SGCD: variants seen among roughly 807,000 people sequenced by gnomAD.
SGCD encodes the protein sarcoglycan delta, also known as delta-sarcoglycan.
Under a neutral mutation model 36.6 loss-of-function variants are expected in SGCD, and 18 were observed. The observed-to-expected ratio is 0.49, with a 90% CI of 0.34 to 0.73. SGCD has a LOEUF of 0.73. SGCD is among the 30% of genes least tolerant of loss of function. The pLI is 0.01. For missense variants in SGCD, 387 were observed against 346.7 expected, an observed-to-expected ratio of 1.12 and a Z score of -0.92; for synonymous variants, 133 against 130.6, an observed-to-expected ratio of 1.02 and a Z score of -0.12.
chr5:156,223,310 A>G lies in SGCD; in HGVS notation c.-44+99291A>G, dbSNP rs186639182. 3.9e-5 allele frequency among the ~76,000 whole-genome samples: 6 copies of G among 152,180 alleles called. No individual in the cohort carries two copies. The East Asian group carries it at 7.7e-4, about 20-fold the overall frequency. On this transcript the variant is annotated intron_variant, in intron 3 of 9. Coordinates refer to the SGCD transcript ENST00000517913. ...ATAGAATTCTATTAGATGATAGTGG[A>G]GATTGCCAGGTGAGTGGTCAGAGTT... is the stretch of plus-strand genomic sequence containing the variant.
chr5:155,796,585 C>T, the SGCD span, among the ~76,000 whole-genome samples: 1 of 151,626 alleles, frequency 6.6e-6, no homozygotes, highest in Admixed American at 6.6e-5. Flanking sequence ...GGGTGGATCA[C>T]CTGAGGTCGG....
chr5:156,355,584 C>T (rs1037277588), intron 3 of SGCD, among the ~76,000 whole-genome samples: 1 of 152,208 alleles, frequency 6.6e-6, no homozygotes, highest in African/African-American at 2.4e-5. Context: ...ATTCTCCCAA[C>T]TTGTAAAATA....
chr5:156,135,406 C>T (rs1459922477), intron 3 of SGCD, among the ~76,000 whole-genome samples: 3 of 152,160 alleles, frequency 2.0e-5, no homozygotes, highest in East Asian at 3.9e-4. Flanking sequence ...GGATATAAGA[C>T]ACCTGGTACA....
intron 6 of SGCD, among the ~76,000 whole-genome samples, chr5:156,609,950 T>A (rs1761700466): frequency 6.6e-6 from 1 of 152,058 alleles, no homozygotes; most frequent in African/African-American, 2.4e-5. Flanking sequence ...ATTTGTCTAA[T>A]TTTTTTTCGA....
chr5:156,302,422 T>TA (rs1466513681), intron 3 of SGCD, among the ~76,000 whole-genome samples: 1 of 152,072 alleles, frequency 6.6e-6, no homozygotes, highest in Non-Finnish European at 1.5e-5. Context: ...TCTTCTGTGT[T>TA]TTATCTTGAA....
At chr5:156,499,932 A>G (rs1033806025) in intron 3 of SGCD, among the ~76,000 whole-genome samples, 2 of 152,266 alleles carry the variant, frequency 1.3e-5, no homozygotes, top group Non-Finnish European at 2.9e-5. Context: ...TTATTTCTCA[A>G]CTTTAAAAAA....
At chr5:155,884,092 G>T (rs185415437) in intron 1 of SGCD, among the ~76,000 whole-genome samples, 2 of 152,230 alleles carry the variant, frequency 1.3e-5, no homozygotes, top group East Asian at 3.9e-4. Flanking sequence ...TCTGCCTTTT[G>T]TATCTTTGCT....
chr5:156,339,809 G>A (rs1411976665), intron 2 of SGCD, among the ~76,000 whole-genome samples: 1 of 152,116 alleles, frequency 6.6e-6, no homozygotes, highest in Non-Finnish European at 1.5e-5. Context: ...AATGAGAAAG[G>A]AAATTAAATT....
chr5:156,581,098 C>A (rs557021060), intron 4 of SGCD, among the ~76,000 whole-genome samples: 1 of 152,184 alleles, frequency 6.6e-6, no homozygotes, highest in South Asian at 2.1e-4. Context: ...TGTGGATGTC[C>A]TTTTTGTTGA....
At chr5:156,396,976 A>G (rs1771889995) in intron 3 of SGCD, among the ~76,000 whole-genome samples, 1 of 152,196 alleles carries the variant, frequency 6.6e-6, no homozygotes, top group Non-Finnish European at 1.5e-5. Context: ...AACAAAGACG[A>G]CTGGGGCATA....
chr5:156,072,714 C>T (rs1404014538), intron 1 of SGCD, among the ~76,000 whole-genome samples: 3 of 152,190 alleles, frequency 2.0e-5, no homozygotes, highest in Admixed American at 1.3e-4. Flanking sequence ...TGGATAATGT[C>T]CTGCAGAGTG....
In SGCD at chr5:156,250,691, T is replaced by G. The variant is rs368310802; in HGVS notation, c.-43-78843T>G. Among the ~76,000 whole-genome samples, 121 of 152,332 alleles carry G rather than the reference T, an allele frequency of 7.9e-4. 1 individual carries two copies. The highest frequency in any genetic ancestry group is 2.8e-3 in the African/African-American group (115 of 41,586). On this transcript the variant is annotated intron_variant, in intron 3 of 9. Coordinates refer to the SGCD transcript ENST00000517913. The stretch of plus-strand genomic sequence containing the variant: ...ATCATGACATCCCTTTAAGGAAGAC[T>G]CTGTTAGGGTGTTTTAGTGTTTGTT...
intron 1 of SGCD, among the ~76,000 whole-genome samples, chr5:156,109,422 G>A (rs757092336): frequency 9.9e-5 from 15 of 152,190 alleles, no homozygotes; most frequent in Non-Finnish European, 1.3e-4. Flanking sequence ...ATTTGAGCTA[G>A]AAGTCTTTAT....
chr5:156,168,066 C>T (rs1763254928), intron 3 of SGCD, among the ~76,000 whole-genome samples: 2 of 152,138 alleles, frequency 1.3e-5, no homozygotes, highest in African/African-American at 4.8e-5. Flanking sequence ...GACAGGAAGA[C>T]TTTGTGGAAT....
chr5:156,387,861 G>A (rs551411884), intron 3 of SGCD, among the ~76,000 whole-genome samples: 9 of 152,268 alleles, frequency 5.9e-5, no homozygotes, highest in South Asian at 4.1e-4. Context: ...CTATGGCCAC[G>A]TTCGTATTAT....
chr5:156,548,550 T>C (rs1014169677), intron 4 of SGCD, among the ~76,000 whole-genome samples: 1 of 152,240 alleles, frequency 6.6e-6, no homozygotes, highest in African/African-American at 2.4e-5. Flanking sequence ...TTGGTCTTGA[T>C]TCTAAACACA....
intron 3 of SGCD, among the ~76,000 whole-genome samples, chr5:156,369,774 G>A (rs1025906384): frequency 6.6e-6 from 1 of 152,126 alleles, no homozygotes; most frequent in African/African-American, 2.4e-5. Flanking sequence ...ATAGACATTG[G>A]GGGTTTAAAA....
At chr5:156,027,239 C>T (rs1561687373) in intron 1 of SGCD, among the ~76,000 whole-genome samples, 1 of 152,126 alleles carries the variant, frequency 6.6e-6, no homozygotes, top group Non-Finnish European at 1.5e-5. Context: ...AACTCTTCTT[C>T]TGGTGTATTA....
chr5:156,337,374 C>G (rs1768409366), intron 2 of SGCD, among the ~76,000 whole-genome samples: 1 of 152,158 alleles, frequency 6.6e-6, no homozygotes, highest in Admixed American at 6.5e-5. Context: ...TTGTCTTATT[C>G]TTAAATTAGC....
Sources: allele counts gnomAD v4.1 joint callset (sites outside exome capture counted in the v4.1 genomes callset), GRCh38; gene constraint gnomAD v4.1.1; transcripts MANE v1.5; gene names NCBI Gene and HGNC (gene_info 2026-07-23, HGNC 2026-07-21).